The following DCC variants were observed in gnomAD, a reference collection of about 807,000 sequenced individuals.
DCC encodes DCC netrin 1 receptor.
Under a neutral mutation model 172.5 loss-of-function variants are expected in DCC, and 58 were observed. The observed-to-expected ratio is 0.34, with a 90% CI of 0.27 to 0.42. DCC has a LOEUF of 0.42. Among genes scored for constraint, DCC ranks in the 10% least tolerant of loss-of-function variants. The pLI is 1.00. For synonymous variants in DCC, 709 were observed against 644.5 expected (o/e 1.10, Z -1.52); for missense variants, 1,740 against 1,791.0 (o/e 0.97, Z 0.51).
At chr18:53,216,168 G>A (rs962897683) in intron 12 of DCC, among the ~76,000 whole-genome samples, 6 of 152,188 alleles carry the variant, frequency 3.9e-5, no homozygotes, top group Admixed American at 3.9e-4. Flanking sequence ...ACTTAGGCTA[G>A]TATTGCTGAA....
At position 52,340,468 on chromosome 18, in the gene DCC, C is replaced by T. The variant is rs1251648312; in HGVS notation, c.-320C>T. The T allele has an allele frequency of 1.8e-5, 8 of 448,692 alleles. No homozygotes were observed. The highest frequency in any genetic ancestry group is 3.3e-5 in the Non-Finnish European group (8 of 242,212). The allele number at this position is 448,692 out of a possible 1,614,324, so 27.8% of individuals were successfully genotyped here. A position where few individuals can be genotyped will look rare whatever the true frequency, so the allele number is the denominator to read the frequency against. On this transcript the variant is annotated 5_prime_UTR_variant, in exon 1 of 29. Coordinates refer to ENST00000442544, the MANE Select transcript of DCC (RefSeq NM_005215.4). ...GATGACTTGCGAGCCCCTCAGAGAG[C>T]TGTCTTCCCTCCTCTGGCTCCCTCC... is the stretch of plus-strand genomic sequence containing the variant.
chr18:53,046,296 T>C (rs1204608405), intron 5 of DCC, among the ~76,000 whole-genome samples: 1 of 151,914 alleles, frequency 6.6e-6, no homozygotes, highest in Non-Finnish European at 1.5e-5. Flanking sequence ...CATGAGATGG[T>C]AATGTTGGTA....
chr18:52,379,052 A>G (rs1985474878), intron 1 of DCC, among the ~76,000 whole-genome samples: 3 of 152,174 alleles, frequency 2.0e-5, no homozygotes, highest in African/African-American at 4.8e-5. Flanking sequence ...TGCTTAAAGC[A>G]TCTTGTGCCT....
At chr18:53,304,617 G>T (rs1477416141) in intron 12 of DCC, among the ~76,000 whole-genome samples, 1 of 152,100 alleles carries the variant, frequency 6.6e-6, no homozygotes, top group Non-Finnish European at 1.5e-5. Context: ...CAAGGTCAGG[G>T]AGGGTTAGTA....
At chr18:53,093,680 G>C (rs914467113) in intron 7 of DCC, among the ~76,000 whole-genome samples, 1 of 152,300 alleles carries the variant, frequency 6.6e-6, no homozygotes, top group East Asian at 1.9e-4. Context: ...TAGTGCAGCT[G>C]CTATGGCACA....
intron 21 of DCC, among the ~76,000 whole-genome samples, chr18:53,420,400 T>G (rs547586794): frequency 4.6e-5 from 7 of 152,298 alleles, no homozygotes; most frequent in Admixed American, 1.3e-4. Context: ...ATCCTGACAC[T>G]TCTTTATTTC....
intron 9 of DCC, among the ~76,000 whole-genome samples, chr18:53,195,100 G>A (rs572836967): frequency 1.3e-5 from 2 of 152,272 alleles, no homozygotes; most frequent in East Asian, 1.9e-4. Context: ...GATGCTCTGA[G>A]TATTTAATAC....
intron 24 of DCC, among the ~76,000 whole-genome samples, chr18:53,461,948 G>C (rs961504188): frequency 6.6e-6 from 1 of 152,216 alleles, no homozygotes; most frequent in Non-Finnish European, 1.5e-5. Flanking sequence ...GTGGGATTGA[G>C]AAGAAGCTGG....
At chr18:53,031,993 G>A (rs2042032014) in intron 5 of DCC, among the ~76,000 whole-genome samples, 1 of 152,062 alleles carries the variant, frequency 6.6e-6, no homozygotes, top group Non-Finnish European at 1.5e-5. Context: ...TGATATTTTA[G>A]CAAATATGCA....
intron 7 of DCC, among the ~76,000 whole-genome samples, chr18:53,131,953 ATTTTTTTTTTTTTTTT>A (rs71175556): frequency 5.1e-5 from 3 of 58,260 alleles, no homozygotes; most frequent in Non-Finnish European, 6.2e-5. Flanking sequence ...TCTCTAAGTG[ATTTTTTTTTTTTTTTT>A]TTTTTTTTTT....
At chr18:53,106,585 A>G (rs1052082902) in intron 7 of DCC, among the ~76,000 whole-genome samples, 1 of 151,948 alleles carries the variant, frequency 6.6e-6, no homozygotes, top group Non-Finnish European at 1.5e-5. Flanking sequence ...TGAAGATCTA[A>G]CAACAGATTT....
chr18:53,388,952 TTTTG>T (rs1273628595), intron 16 of DCC, among the ~76,000 whole-genome samples: 1 of 152,024 alleles, frequency 6.6e-6, no homozygotes, highest in Non-Finnish European at 1.5e-5. Flanking sequence ...ACCTGGTATT[TTTTG>T]TTTGTTTGTT....
At position 52,402,929 on chromosome 18, in the gene DCC, G is replaced by A. The variant is rs80336986; in HGVS notation, c.91+62051G>A. The stretch of plus-strand genomic sequence containing the variant: ...ATCCTACAGGATTATTATTAAAACA[G>A]TACAGTCAGTGTTCAAGTGTGCCTG... On this transcript the variant is annotated intron_variant, in intron 1 of 28. Coordinates refer to ENST00000442544, the MANE Select transcript of DCC (RefSeq NM_005215.4). Among the ~76,000 whole-genome samples, 266 of 152,102 alleles carry A rather than the reference G, an allele frequency of 1.7e-3. 5 individuals are homozygous for A. In the East Asian group the frequency reaches 0.038, roughly 22 times the overall value.
chr18:52,920,658 A>T (rs929933035), intron 3 of DCC, among the ~76,000 whole-genome samples: 1 of 152,200 alleles, frequency 6.6e-6, no homozygotes, highest in Non-Finnish European at 1.5e-5. Flanking sequence ...TTTACCATAC[A>T]ATCTAGCTAT....
Position 53,247,160 on chromosome 18 carries a change from T to C in DCC, c.1911+31563T>C, listed in dbSNP as rs138298886. ...GACTTGGAAGAGGACAACCTTAGAT[T>C]ACTTAAAAATTGGACATTGTCATAT... On this transcript the variant is annotated intron_variant, in intron 12 of 28. Coordinates refer to ENST00000442544, the MANE Select transcript of DCC (RefSeq NM_005215.4). 1.3e-3 allele frequency among the ~76,000 whole-genome samples: 192 copies of C among 152,188 alleles called. 2 individuals carry two copies. In the South Asian group the frequency reaches 0.013, roughly 10 times the overall value.
intron 2 of DCC, among the ~76,000 whole-genome samples, chr18:52,774,300 A>T (rs1022856503): frequency 1.3e-5 from 2 of 152,212 alleles, no homozygotes; most frequent in African/African-American, 2.4e-5. Context: ...ACTGGTTTAG[A>T]CCAGGCCCAG....
intron 9 of DCC, among the ~76,000 whole-genome samples, chr18:53,194,007 A>G (rs1298803110): frequency 6.6e-6 from 1 of 152,158 alleles, no homozygotes; most frequent in Admixed American, 6.5e-5. Flanking sequence ...CAAACATCAG[A>G]TATTGATTGT....
chr18:53,243,142 T>C (rs572373426), intron 12 of DCC, among the ~76,000 whole-genome samples: 1 of 152,280 alleles, frequency 6.6e-6, no homozygotes, highest in South Asian at 2.1e-4. Flanking sequence ...TTGGTTTATG[T>C]GGCATAGATG....
intron 13 of DCC, among the ~76,000 whole-genome samples, chr18:53,316,093 C>G (rs1461667280): frequency 3.3e-5 from 5 of 152,118 alleles, no homozygotes; most frequent in African/African-American, 1.2e-4. Flanking sequence ...TTAGGTCTTA[C>G]ATTTAAGTCT....
Sources: gnomAD v4.1 joint callset for allele counts (sites outside exome capture counted in the v4.1 genomes callset) on GRCh38, gnomAD v4.1.1 for gene constraint, MANE v1.5 for transcripts, NCBI Gene and HGNC (gene_info 2026-07-23, HGNC 2026-07-21) for gene names.